Variants in DLGAP1 observed in about 807,000 individuals in gnomAD.
The protein encoded by DLGAP1 is disks large-associated protein 1.
In DLGAP1, 11 loss-of-function variants were observed where a neutral mutation model predicts 90.8. The ratio of observed to expected loss-of-function variants is 0.12; its 90% CI spans 0.08 to 0.20. The LOEUF (loss-of-function observed/expected upper bound fraction) is 0.20, where lower values mean the gene tolerates loss of function less well. Ranked by LOEUF, DLGAP1 falls within the 10% of genes least tolerant of loss-of-function variation. The pLI is 1.00. For missense variants in DLGAP1, 1,050 were observed against 1,333.8 expected, an observed-to-expected ratio of 0.79 and a Z score of 3.31; for synonymous variants, 558 against 540.7, an observed-to-expected ratio of 1.03 and a Z score of -0.44.
chr18:4,354,290 T>C (rs751674243), intron 1 of DLGAP1, among the ~76,000 whole-genome samples: 34 of 152,108 alleles, frequency 2.2e-4, no homozygotes, highest in Non-Finnish European at 4.9e-4. Flanking sequence ...GAACGATTAC[T>C]CTAACCTTCC....
At chr18:4,251,340 G>C (rs7241262) in intron 1 of DLGAP1, among the ~76,000 whole-genome samples, 13,608 of 152,158 alleles carry the variant, frequency 0.089, 2,059 homozygotes, top group African/African-American at 0.31. Context: ...CCAAGAACTT[G>C]ACTTTACAGA....
At chr18:3,806,190 T>C (rs1028070572) in intron 5 of DLGAP1, among the ~76,000 whole-genome samples, 1 of 152,184 alleles carries the variant, frequency 6.6e-6, no homozygotes, top group Admixed American at 6.5e-5. Flanking sequence ...TAACGAACTA[T>C]GCTGACAAAA....
intron 6 of DLGAP1, among the ~76,000 whole-genome samples, chr18:3,740,797 A>G (rs1017343237): frequency 2.1e-5 from 3 of 146,104 alleles, no homozygotes; most frequent in Non-Finnish European, 4.5e-5. Flanking sequence ...CCACCATCAT[A>G]ACCACCACCG....
intron 2 of DLGAP1, among the ~76,000 whole-genome samples, chr18:4,137,700 C>T (rs1215581139): frequency 6.6e-6 from 1 of 152,074 alleles, no homozygotes; most frequent in Non-Finnish European, 1.5e-5. Context: ...TGCACTGAGT[C>T]CGTAGATTGC....
At chr18:3,600,983 T>TATAGATATATAGATATATAGATATAG in intron 7 of DLGAP1, among the ~76,000 whole-genome samples, 1 of 76,032 alleles carries the variant, frequency 1.3e-5, no homozygotes. Context: ...GATATATAGA[T>TATAGATATATAGATATATAGATATAG]ATAGATATAT....
intron 2 of DLGAP1, among the ~76,000 whole-genome samples, chr18:4,060,915 G>A (rs2075289204): frequency 1.3e-5 from 2 of 152,112 alleles, no homozygotes; most frequent in South Asian, 2.1e-4. Flanking sequence ...TGAAAGAAAT[G>A]TGGTAAAATT....
Position 4,307,709 on chromosome 18 carries a change from CTTTTTTTTTTT to C in DLGAP1, c.-267+147286_-267+147296del, listed in dbSNP as rs34193366. Reference sequence around the variant, plus strand: ...CTCAGGTAGCAAACTTGAGGGTTTACTTTTTTTTTTTTTTTTTTTTTTTTGAGGCAGAGTCT... The same window carrying C: ...CTCAGGTAGCAAACTTGAGGGTTTACTTTTTTTTTTTTTGAGGCAGAGTCT... On this transcript the variant is annotated intron_variant, in intron 1 of 12. Coordinates refer to ENST00000315677, the MANE Select transcript of DLGAP1 (RefSeq NM_004746.4). Among the ~76,000 whole-genome samples, 13 of 107,184 alleles carry C rather than the reference CTTTTTTTTTTT, an allele frequency of 1.2e-4. 1 individual carries two copies. Among genetic ancestry groups the C allele is most frequent in the Middle Eastern group, 5.4e-3 (1 of 186 alleles). 70.3% of individuals were successfully genotyped at this position (107,184 alleles called of 152,430 possible). A position where few individuals can be genotyped will look rare whatever the true frequency, so the allele number is the denominator to read the frequency against.
intron 1 of DLGAP1, among the ~76,000 whole-genome samples, chr18:4,178,257 T>TCACACAC (rs1568436238): frequency 8.5e-6 from 1 of 117,108 alleles, no homozygotes; most frequent in African/African-American, 3.6e-5. Flanking sequence ...ACACACACAT[T>TCACACAC]AGAGATAGGG....
At chr18:4,033,343 T>C (rs943045647) in intron 2 of DLGAP1, among the ~76,000 whole-genome samples, 24 of 152,072 alleles carry the variant, frequency 1.6e-4, no homozygotes, top group African/African-American at 5.6e-4. Flanking sequence ...TTAGGAAATA[T>C]AAATTACTTA....
intron 5 of DLGAP1, among the ~76,000 whole-genome samples, chr18:3,807,588 T>TA (rs1029655688): frequency 2.6e-5 from 4 of 151,712 alleles, no homozygotes; most frequent in African/African-American, 9.7e-5. Context: ...CCCTCCTACT[T>TA]AAAAAAAAAT....
intron 10 of DLGAP1, among the ~76,000 whole-genome samples, chr18:3,516,472 T>G (rs2050854749): frequency 6.6e-6 from 1 of 152,148 alleles, no homozygotes; most frequent in African/African-American, 2.4e-5. Context: ...GATATAGCCT[T>G]ATGGAATGTA....
At chr18:3,986,286 A>G (rs1415311555) in intron 3 of DLGAP1, 1 of 152,238 alleles carries the variant, frequency 6.6e-6, no homozygotes, top group African/African-American at 2.4e-5. Flanking sequence ...TCCTTTTGTT[A>G]AGATGGAAAC....
chr18:3,912,500 T>C (rs1181803811), intron 3 of DLGAP1, among the ~76,000 whole-genome samples: 1 of 152,074 alleles, frequency 6.6e-6, no homozygotes, highest in Non-Finnish European at 1.5e-5. Flanking sequence ...ACAAACCAAA[T>C]ACAAAGCCCT....
At chr18:3,889,412 T>C (rs2071403507) in intron 3 of DLGAP1, among the ~76,000 whole-genome samples, 1 of 152,066 alleles carries the variant, frequency 6.6e-6, no homozygotes, top group Non-Finnish European at 1.5e-5. Context: ...TATATATACA[T>C]ACATGCATAT....
chr18:4,370,253 C>A (rs2081887060), intron 1 of DLGAP1, among the ~76,000 whole-genome samples: 2 of 152,008 alleles, frequency 1.3e-5, no homozygotes, highest in South Asian at 4.1e-4. Flanking sequence ...AAAAACAGAT[C>A]CAGATCAGGG....
At chr18:3,691,354 G>A (rs1021961689) in intron 7 of DLGAP1, among the ~76,000 whole-genome samples, 1 of 151,878 alleles carries the variant, frequency 6.6e-6, no homozygotes, top group Admixed American at 6.6e-5. Context: ...CTTGAACCTG[G>A]GAGATGGAGG....
chr18:4,243,319 A>G (rs980151681), intron 1 of DLGAP1, among the ~76,000 whole-genome samples: 10 of 152,256 alleles, frequency 6.6e-5, no homozygotes, highest in Non-Finnish European at 1.3e-4. Context: ...AACAAAACTC[A>G]TAAGTCTGAT....
At chr18:4,209,106 G>T (rs905711905) in intron 1 of DLGAP1, among the ~76,000 whole-genome samples, 1 of 152,280 alleles carries the variant, frequency 6.6e-6, no homozygotes. Context: ...AACTGATGGT[G>T]CTGAGGGTGA....
intron 7 of DLGAP1, among the ~76,000 whole-genome samples, chr18:3,699,973 CT>C (rs760417084): frequency 3.3e-5 from 5 of 152,178 alleles, no homozygotes; most frequent in African/African-American, 4.8e-5. Context: ...CGCCCCGCCC[CT>C]GACCAAGCTC....
Sources: allele counts gnomAD v4.1 joint callset (sites outside exome capture counted in the v4.1 genomes callset), GRCh38; gene constraint gnomAD v4.1.1; transcripts MANE v1.5; gene names NCBI Gene and HGNC (gene_info 2026-07-23, HGNC 2026-07-21).